The following CDKAL1 variants were observed in gnomAD, a reference collection of about 807,000 sequenced individuals.
CDKAL1 encodes CDKAL1 threonylcarbamoyladenosine tRNA methylthiotransferase.
In CDKAL1, 32 loss-of-function variants were observed where a neutral mutation model predicts 68.2. The observed-to-expected ratio is 0.47, with a 90% CI of 0.35 to 0.63. The LOEUF is 0.63. Among genes scored for constraint, CDKAL1 ranks in the 30% least tolerant of loss-of-function variants. CDKAL1 has a pLI of 0.00. For synonymous variants in CDKAL1, 234 were observed against 244.3 expected (o/e 0.96, Z 0.39); for missense variants, 606 against 696.7 (o/e 0.87, Z 1.47).
At chr6:20,811,845 T>C (rs949973506) in intron 8 of CDKAL1, among the ~76,000 whole-genome samples, 2 of 151,550 alleles carry the variant, frequency 1.3e-5, no homozygotes, top group Non-Finnish European at 2.9e-5. Context: ...AAACATATTC[T>C]GTAATGGGTG....
At chr6:21,227,571 C>T (rs1313426729) in intron 15 of CDKAL1, among the ~76,000 whole-genome samples, 5 of 152,374 alleles carry the variant, frequency 3.3e-5, no homozygotes, top group Middle Eastern at 6.8e-3. Context: ...GTCACGCTCC[C>T]GCCTTGATCC....
intron 7 of CDKAL1, chr6:20,773,072 T>G (rs1775014194): frequency 6.6e-6 from 1 of 152,236 alleles, no homozygotes; most frequent in Non-Finnish European, 1.5e-5. Flanking sequence ...AAAAAGGAAA[T>G]TATTTAATGT....
intron 15 of CDKAL1, among the ~76,000 whole-genome samples, chr6:21,211,007 G>A (rs147159342): frequency 7.9e-5 from 12 of 152,320 alleles, no homozygotes; most frequent in Non-Finnish European, 1.6e-4. Context: ...ACATCTGACT[G>A]TGGAACCCAA....
intron 8 of CDKAL1, among the ~76,000 whole-genome samples, chr6:20,786,494 C>CTTTTTTTT (rs1197574844): frequency 2.7e-4 from 22 of 80,728 alleles, no homozygotes; most frequent in African/African-American, 9.5e-4. Context: ...TTTTTCTTAT[C>CTTTTTTTT]TTTTTTTTTT....
chr6:20,886,209 C>G (rs547642149), intron 9 of CDKAL1, among the ~76,000 whole-genome samples: 40 of 152,274 alleles, frequency 2.6e-4, no homozygotes, highest in Non-Finnish European at 8.8e-5. Flanking sequence ...GCTAGGATGG[C>G]TTTAATTAAA....
intron 4 of CDKAL1, among the ~76,000 whole-genome samples, chr6:20,568,020 C>T (rs140091146): frequency 6.6e-5 from 10 of 152,042 alleles, no homozygotes; most frequent in Admixed American, 3.3e-4. Flanking sequence ...GGACCACAGG[C>T]GCCTGCCACC....
chr6:20,579,102 C>T lies in CDKAL1; in HGVS notation c.286+30397C>T, dbSNP rs148111263. On this transcript the variant is annotated intron_variant, in intron 4 of 15. Coordinates refer to ENST00000274695, the MANE Select transcript of CDKAL1 (RefSeq NM_017774.3). ...AAGCGATTCTCCTGGCTCAGCCTTC[C>T]GAGTAGCTGGCATTACGGGCCTGCA... Among the ~76,000 whole-genome samples, 529 of 152,238 alleles carry T rather than the reference C, an allele frequency of 3.5e-3. 4 individuals carry two copies. The highest frequency in any genetic ancestry group is 0.012 in the African/African-American group (496 of 41,540).
intron 9 of CDKAL1, among the ~76,000 whole-genome samples, chr6:20,880,291 C>T (rs1458216517): frequency 6.6e-6 from 1 of 152,016 alleles, no homozygotes; most frequent in African/African-American, 2.4e-5. Flanking sequence ...GAATCTCTCT[C>T]TGTTTCCAGG....
chr6:20,679,498 A>G (rs1562020323), intron 5 of CDKAL1, among the ~76,000 whole-genome samples: 1 of 152,284 alleles, frequency 6.6e-6, no homozygotes, highest in East Asian at 1.9e-4. Context: ...TTATGTAGCA[A>G]TGAGCTCATT....
intron 5 of CDKAL1, among the ~76,000 whole-genome samples, chr6:20,724,017 C>A (rs745705098): frequency 9.2e-5 from 14 of 152,182 alleles, no homozygotes; most frequent in Non-Finnish European, 2.1e-4. Context: ...AGTGTAACCT[C>A]CGCCTACTGG....
At chr6:20,727,300 G>A (rs1772698024) in intron 5 of CDKAL1, among the ~76,000 whole-genome samples, 1 of 152,016 alleles carries the variant, frequency 6.6e-6, no homozygotes, top group Non-Finnish European at 1.5e-5. Flanking sequence ...TGGGGTCTAT[G>A]AATCAAAATG....
chr6:21,176,705 T>G (rs1777595665), intron 13 of CDKAL1, among the ~76,000 whole-genome samples: 1 of 147,310 alleles, frequency 6.8e-6, no homozygotes, highest in South Asian at 2.2e-4. Flanking sequence ...TGTTTTTTTT[T>G]TTTTTTTGAG....
At chr6:21,090,796 TTC>T (rs1364986214) in intron 12 of CDKAL1, among the ~76,000 whole-genome samples, 1 of 117,674 alleles carries the variant, frequency 8.5e-6, no homozygotes, top group Non-Finnish European at 1.7e-5. Context: ...TAACAATTTT[TTC>T]TTTTTTCTTT....
At chr6:20,848,442 A>G (rs1274241181) in intron 9 of CDKAL1, among the ~76,000 whole-genome samples, 1 of 152,184 alleles carries the variant, frequency 6.6e-6, no homozygotes, top group African/African-American at 2.4e-5. Flanking sequence ...ATCTTTAGAA[A>G]TGCCCTCTGA....
Position 20,968,166 on chromosome 6 carries a change from G to GT in CDKAL1, c.909+12591dup, listed in dbSNP as rs897952341. On this transcript the variant is annotated intron_variant, in intron 10 of 15. Coordinates refer to ENST00000274695, the MANE Select transcript of CDKAL1 (RefSeq NM_017774.3). The stretch of plus-strand genomic sequence containing the variant: ...TTTTTTGTTCTGGGTTTTTTTTTTT[G>GT]TTTTTTTTTTGGACCAGGGTCTCAC... Among the ~76,000 whole-genome samples the GT allele has an allele frequency of 4.1e-3, 552 of 134,408 alleles. 8 individuals carry two copies. Among genetic ancestry groups the GT allele is most frequent in the Admixed American group, 0.022 (292 of 13,166 alleles). 88.2% of individuals were successfully genotyped at this position (134,408 alleles called of 152,430 possible).
At chr6:20,634,593 G>T (rs1483008167) in intron 4 of CDKAL1, among the ~76,000 whole-genome samples, 1 of 152,222 alleles carries the variant, frequency 6.6e-6, no homozygotes, top group Non-Finnish European at 1.5e-5. Context: ...GTAGTGATAA[G>T]TAGCAGGTGT....
chr6:20,824,717 G>T (rs1283430881), intron 8 of CDKAL1, among the ~76,000 whole-genome samples: 2 of 152,154 alleles, frequency 1.3e-5, no homozygotes, highest in Non-Finnish European at 2.9e-5. Flanking sequence ...TACTTAACTG[G>T]TTAGAAGCAA....
intron 10 of CDKAL1, among the ~76,000 whole-genome samples, chr6:20,998,968 G>T (rs1025056333): frequency 1.3e-5 from 2 of 151,372 alleles, no homozygotes; most frequent in African/African-American, 2.5e-5. Flanking sequence ...GAAACACAGG[G>T]CATGGTTGAT....
In CDKAL1 at chr6:20,656,021, CAATG is replaced by C. The variant is rs550096517; in HGVS notation, c.371+6646_371+6649del. On this transcript the variant is annotated intron_variant, in intron 5 of 15. Coordinates refer to ENST00000274695, the MANE Select transcript of CDKAL1 (RefSeq NM_017774.3). ...ATCTAGCTTAATTCTTGCAGCCTAT[CAATG>C]AGTTGTAGATTCCATTTGTATTCCT... 3.3e-5 allele frequency among the ~76,000 whole-genome samples: 5 copies of C among 152,238 alleles called. No individual in the cohort carries two copies. In the South Asian group the frequency reaches 1.0e-3, roughly 32 times the overall value.
Sources: gnomAD v4.1 joint callset for allele counts (sites outside exome capture counted in the v4.1 genomes callset) on GRCh38, gnomAD v4.1.1 for gene constraint, MANE v1.5 for transcripts, NCBI Gene and HGNC (gene_info 2026-07-23, HGNC 2026-07-21) for gene names.